The following POLN variants were observed in gnomAD, a reference collection of about 807,000 sequenced individuals.
The protein encoded by POLN is DNA polymerase nu.
In POLN, 108 loss-of-function variants were observed where a neutral mutation model predicts 113.5. The observed-to-expected ratio is 0.95, with a 90% CI of 0.81 to 1.12. The LOEUF is 1.12. Ranked by LOEUF, POLN falls within the 50% of genes most tolerant of loss-of-function variation. POLN has a pLI of 0.00. For synonymous variants in POLN, 386 were observed against 391.5 expected (o/e 0.99, Z 0.17); for missense variants, 1,097 against 1,077.1 (o/e 1.02, Z -0.26).
At chr4:2,078,413 G>T in intron 23 of POLN, 2 of 219,330 alleles carry the variant, frequency 9.1e-6, no homozygotes, top group Non-Finnish European at 1.5e-5. Context: ...AATGCAGACT[G>T]TCCTGTGGCC....
intron 13 of POLN, among the ~76,000 whole-genome samples, chr4:2,168,818 C>T (rs777888334): frequency 6.6e-6 from 1 of 152,208 alleles, no homozygotes; most frequent in Non-Finnish European, 1.5e-5. Flanking sequence ...GCTCCACGAA[C>T]ACACCACAGA....
chr4:2,124,662 G>A (rs189464364), intron 19 of POLN, among the ~76,000 whole-genome samples: 2 of 152,300 alleles, frequency 1.3e-5, no homozygotes, highest in East Asian at 3.9e-4. Flanking sequence ...GGAGAAGGAT[G>A]TTTTCCCAGG....
intron 17 of POLN, among the ~76,000 whole-genome samples, chr4:2,130,415 T>C (rs1327800536): frequency 5.3e-5 from 8 of 152,310 alleles, no homozygotes; most frequent in African/African-American, 1.7e-4. Flanking sequence ...GGAGCGCCAC[T>C]GCCAAGGGTA....
At chr4:2,107,710 A>G (rs1469027615) in intron 19 of POLN, among the ~76,000 whole-genome samples, 1 of 152,196 alleles carries the variant, frequency 6.6e-6, no homozygotes, top group East Asian at 1.9e-4. Flanking sequence ...GAGGGGAGGC[A>G]GGACTGCTGC....
At chr4:2,172,749 T>C (rs1397463006) in intron 11 of POLN, among the ~76,000 whole-genome samples, 3 of 152,114 alleles carry the variant, frequency 2.0e-5, no homozygotes, top group Admixed American at 6.5e-5. Flanking sequence ...TGGGAAGCCA[T>C]TGGGCATTAT....
intron 19 of POLN, among the ~76,000 whole-genome samples, chr4:2,124,473 C>T (rs149431585): frequency 4.6e-5 from 7 of 152,178 alleles, no homozygotes; most frequent in African/African-American, 1.7e-4. Context: ...AGATGGGAGT[C>T]TTGCCATGTT....
chr4:2,168,118 T>C (rs1171553954), intron 13 of POLN, among the ~76,000 whole-genome samples: 1 of 152,150 alleles, frequency 6.6e-6, no homozygotes, highest in Non-Finnish European at 1.5e-5. Flanking sequence ...TCCCAGGCAT[T>C]GTACTAAGCA....
chr4:2,131,185 A>T, intron 17 of POLN, 48 bp downstream of exon 17: 1 of 1,373,354 alleles, frequency 7.3e-7, no homozygotes, highest in South Asian at 1.2e-5. Context: ...ACCCTATCTC[A>T]AAAGAGAGTT....
chr4:2,112,339 G>A (rs1731216139), intron 19 of POLN, among the ~76,000 whole-genome samples: 1 of 152,220 alleles, frequency 6.6e-6, no homozygotes, highest in Admixed American at 6.5e-5. Flanking sequence ...AGGACTTCAT[G>A]TCTAAAACAC....
At chr4:2,229,333 C>A in intron 2 of POLN, 90 bp from the exon 3 acceptor site, 4 of 1,016,984 alleles carry the variant, frequency 3.9e-6, no homozygotes, top group South Asian at 2.1e-5. Flanking sequence ...AATTTATATA[C>A]CAACTTTCAT....
intron 19 of POLN, among the ~76,000 whole-genome samples, chr4:2,109,708 T>C (rs2108710716): frequency 6.6e-6 from 1 of 152,358 alleles, no homozygotes; most frequent in Non-Finnish European, 1.5e-5. Flanking sequence ...TTCTTATGCC[T>C]AGTGTTTGCA....
rs975681552 is a variant in POLN, at chr4:2,126,677, C to T, written c.1982+1436G>A. Among the ~76,000 whole-genome samples, 1 of 151,918 alleles carries T rather than the reference C, an allele frequency of 6.6e-6. No homozygotes were observed. The highest frequency in any genetic ancestry group is 2.4e-5 in the African/African-American group (1 of 41,358). On this transcript the variant is annotated intron_variant, in intron 19 of 25. Transcript: ENST00000511885. This position sits in a 1 kb window ranked among gnomAD's most constrained non-coding sequence, Gnocchi z 4.6. ...GTGCCCAGCATCAGGGGAGGGTGGT[C>T]AGGGGAGGGCCCTGAGGAGACGCCG... is the stretch of plus-strand genomic sequence containing the variant.
intron 16 of POLN, among the ~76,000 whole-genome samples, chr4:2,144,248 G>T (rs2108732998): frequency 6.7e-6 from 1 of 148,282 alleles, no homozygotes; most frequent in South Asian, 2.1e-4. Context: ...GGGTTCAAAT[G>T]ATTCTCCTGC....
chr4:2,193,637 A>C (rs1344497404), intron 6 of POLN, among the ~76,000 whole-genome samples: 1 of 152,208 alleles, frequency 6.6e-6, no homozygotes, highest in Non-Finnish European at 1.5e-5. Flanking sequence ...CCAGGCCCCA[A>C]GATGACTCTC....
At chr4:2,089,415 G>A in intron 20 of POLN, 1 of 1,385,344 alleles carries the variant, frequency 7.2e-7, no homozygotes, top group Admixed American at 2.3e-5. Context: ...CAGATGACTG[G>A]TTACAAAGGT....
intron 2 of POLN, among the ~76,000 whole-genome samples, chr4:2,237,951 GTGGTACCCCC>G (rs1334933951): frequency 1.3e-5 from 2 of 152,136 alleles, no homozygotes; most frequent in Non-Finnish European, 2.9e-5. Flanking sequence ...CATAATGTCA[GTGGTACCCCC>G]TGAAATTGTG....
intron 23 of POLN, chr4:2,080,706 G>A: frequency 1.4e-6 from 2 of 1,389,926 alleles, no homozygotes; most frequent in Non-Finnish European, 1.9e-6. Context: ...ACCCCGAGGA[G>A]GAGGGGTCTG....
chr4:2,182,305 A>G (rs1468139277), intron 7 of POLN, among the ~76,000 whole-genome samples: 2 of 152,224 alleles, frequency 1.3e-5, no homozygotes, highest in Non-Finnish European at 2.9e-5. Context: ...GATCATCTTA[A>G]GTTAGGGTGA....
At chr4:2,079,672 C>A (rs1299386970) in intron 23 of POLN, 2 of 929,422 alleles carry the variant, frequency 2.2e-6, no homozygotes, top group African/African-American at 3.6e-5. Flanking sequence ...GCAACCTCCA[C>A]CTCCTGGGTT....
Sources: allele counts gnomAD v4.1 joint callset (sites outside exome capture counted in the v4.1 genomes callset), GRCh38; gene constraint gnomAD v4.1.1; non-coding constraint Gnocchi (gnomAD v3.1); transcripts MANE v1.5; gene names NCBI Gene and HGNC (gene_info 2026-07-23, HGNC 2026-07-21).